Variants in EXOC1 observed in about 807,000 individuals in gnomAD.
The protein encoded by EXOC1 is SEC3-like 1.
A neutral mutation model predicts 107.7 loss-of-function variants in EXOC1; 67 were observed. That is an observed-to-expected ratio of 0.62 (90% confidence interval 0.51 to 0.76). The LOEUF (loss-of-function observed/expected upper bound fraction) is 0.76. Ranked by LOEUF, EXOC1 falls within the 30% of genes least tolerant of loss-of-function variation. The probability of loss-of-function intolerance (pLI) is 0.00; values close to 1 mark genes in which losing one functional copy is unlikely to be tolerated. For synonymous variants in EXOC1, 348 were observed against 353.5 expected (o/e 0.98, Z 0.17); for missense variants, 833 against 1,055.7 (o/e 0.79, Z 2.92).
At chr4:55,871,765 C>T (rs183384749) in intron 7 of EXOC1, 84 bp from the exon 8 acceptor site, 231 of 1,259,454 alleles carry the variant, frequency 1.8e-4, no homozygotes, top group Admixed American at 1.5e-4. Flanking sequence ...TTCTTCAAAA[C>T]GTTAGATACG....
At chr4:55,879,476 AG>A (rs11344073) in intron 9 of EXOC1, among the ~76,000 whole-genome samples, 5,516 of 152,202 alleles carry the variant, frequency 0.036, 340 homozygotes, top group African/African-American at 0.12. Context: ...TGGTGGGGGC[AG>A]GGTGGATCTG....
chr4:55,869,538 G>A lies in EXOC1; in HGVS notation c.603+1015G>A, dbSNP rs568545465. On this transcript the variant is annotated intron_variant, in intron 5 of 18. Transcript: ENST00000381295. The stretch of plus-strand genomic sequence containing the variant: ...AATTTTAGTGTTGTATACATGAAAG[G>A]TACAGAAGTTATGGGGTCTGACTCA... 3.3e-5 allele frequency among the ~76,000 whole-genome samples: 5 copies of A among 152,246 alleles called. No individual in the cohort carries two copies. The South Asian group carries it at 8.3e-4, about 25-fold the overall frequency.
intron 9 of EXOC1, among the ~76,000 whole-genome samples, chr4:55,882,188 T>A (rs1723462986): frequency 6.6e-6 from 1 of 152,208 alleles, no homozygotes; most frequent in Admixed American, 6.5e-5. Context: ...ACACCCAGGC[T>A]GGAATGCAGT....
intron 10 of EXOC1, among the ~76,000 whole-genome samples, chr4:55,884,910 A>G (rs1329637475): frequency 6.6e-6 from 1 of 152,188 alleles, no homozygotes; most frequent in Admixed American, 6.5e-5. Context: ...AAAAAATGCA[A>G]CACTAATATA....
chr4:55,891,341 G>A lies in EXOC1; in HGVS notation c.1566G>A (p.Leu522=), dbSNP rs746959931. The A allele has an allele frequency of 6.2e-7, 1 of 1,613,846 alleles. No individual in the cohort carries two copies. The highest frequency in any genetic ancestry group is 8.5e-7 in the Non-Finnish European group (1 of 1,179,868). ...TCTTTGAACAGGTACTAAGTGAACT[G>A]GAGCCCCTATGTCTGGCAGAACAGG... ...DKIFEQVLSE[L]EPLCLAEQDF... The change falls in exon 13 of 19, where the codon CTG becomes CTA. Residue 522 remains leucine (L), a synonymous_variant. Transcript: ENST00000381295.
At chr4:55,870,939 A>C (rs1722372444) in intron 6 of EXOC1, 34 bp downstream of exon 6, 2 of 1,573,398 alleles carry the variant, frequency 1.3e-6, no homozygotes, top group Non-Finnish European at 8.6e-7. Context: ...ACAAAAAAAA[A>C]CTAGTGATGA....
At chr4:55,888,697 C>T in intron 10 of EXOC1, 191 bp from the exon 11 acceptor site, 2 of 530,780 alleles carry the variant, frequency 3.8e-6, no homozygotes, top group South Asian at 2.8e-5. Flanking sequence ...AAAGTTTTTT[C>T]TCTCATATAA....
At chr4:55,875,629 G>A (rs985076737) in intron 8 of EXOC1, 2 of 985,268 alleles carry the variant, frequency 2.0e-6, no homozygotes, top group African/African-American at 1.7e-5. Context: ...ATAATTTTGA[G>A]TCTTGAATCA....
chr4:55,901,250 T>G (rs960988905), intron 17 of EXOC1, among the ~76,000 whole-genome samples: 1 of 152,140 alleles, frequency 6.6e-6, no homozygotes, highest in African/African-American at 2.4e-5. Context: ...AGTGACAAAA[T>G]TTAAAGCAAA....
chr4:55,858,117 T>C (rs1290401836), intron 1 of EXOC1, among the ~76,000 whole-genome samples, 197 bp from the exon 2 acceptor site: 1 of 152,242 alleles, frequency 6.6e-6, no homozygotes, highest in Non-Finnish European at 1.5e-5. Flanking sequence ...CCAAACATTT[T>C]AGAGTTTGAT....
chr4:55,896,746 A>G lies in EXOC1; in HGVS notation c.1983A>G (p.Val661=), dbSNP rs1392674603. The change falls in exon 16 of 19, where the codon GTA becomes GTG. Residue 661 remains valine, a synonymous_variant. Transcript: ENST00000381295. ...ACCAAATAAGGCAAATGGAAGAAGTAAAGATCTCAAAAAAGAGTAAAGTTG... is the reference window on the plus strand; with the variant it reads ...ACCAAATAAGGCAAATGGAAGAAGTGAAGATCTCAAAAAAGAGTAAAGTTG... ...ISNQIRQMEE[V]KISKKSKVGI... is the part of the protein sequence containing the mutation. 6.2e-7 allele frequency: 1 copy of G among 1,609,252 alleles called. No homozygotes were observed. The highest frequency in any genetic ancestry group is 8.5e-7 in the Non-Finnish European group (1 of 1,178,872).
At chr4:55,870,139 C>T (rs562009955) in intron 5 of EXOC1, among the ~76,000 whole-genome samples, 17 of 152,244 alleles carry the variant, frequency 1.1e-4, no homozygotes, top group Admixed American at 9.2e-4. Context: ...CATCCTGTTA[C>T]TAGTTCCCAT....
chr4:55,869,962 C>T (rs1325130191), intron 5 of EXOC1, among the ~76,000 whole-genome samples: 1 of 151,856 alleles, frequency 6.6e-6, no homozygotes, highest in Non-Finnish European at 1.5e-5. Flanking sequence ...TTGGATTTGG[C>T]AGTTTCCTTA....
chr4:55,899,670 C>T lies in EXOC1; in HGVS notation c.2138-15C>T, dbSNP rs1416672247. 5 of 1,592,660 alleles carry T rather than the reference C, an allele frequency of 3.1e-6. No individual in the cohort carries two copies. The highest frequency in any genetic ancestry group is 1.8e-5 in the Admixed American group (1 of 55,390). Reference sequence around the variant, plus strand: ...ACTCAGAGATGTTATTTTATTTTTTCTGTTTTGGTTTTAGTGGAGAAAGTA... The same window carrying T: ...ACTCAGAGATGTTATTTTATTTTTTTTGTTTTGGTTTTAGTGGAGAAAGTA... On this transcript the variant is annotated splice_polypyrimidine_tract_variant and intron_variant, in intron 16 of 18. Transcript: ENST00000381295.
Position 55,904,667 on chromosome 4 carries a change from C to T in EXOC1, c.*172C>T, listed in dbSNP as rs1180487508. ...AATATTTAAATGCAAAATTACCAAC[C>T]TATATAGCAGTTTTATTTGCCCTAT... On this transcript the variant is annotated 3_prime_UTR_variant, in exon 19 of 19. Coordinates refer to ENST00000381295, the MANE Select transcript of EXOC1 (RefSeq NM_001024924.2). 3 of 560,046 alleles carry T rather than the reference C, an allele frequency of 5.4e-6. No homozygotes were observed. The highest frequency in any genetic ancestry group is 3.3e-5 in the East Asian group (1 of 30,596). The allele number at this position is 560,046 out of a possible 1,614,324, so 34.7% of individuals were successfully genotyped here. A position where few individuals can be genotyped will look rare whatever the true frequency, so the allele number is the denominator to read the frequency against.
intron 3 of EXOC1, 63 bp downstream of exon 3, chr4:55,860,604 T>G: frequency 6.4e-7 from 1 of 1,563,024 alleles, no homozygotes; most frequent in Non-Finnish European, 8.7e-7. Context: ...TAACATGGTA[T>G]TACATATTCT....
At chr4:55,868,211 C>A in intron 4 of EXOC1, 125 bp from the exon 5 acceptor site, 1 of 560,152 alleles carries the variant, frequency 1.8e-6, no homozygotes, top group Non-Finnish European at 2.8e-6. Context: ...TCATTTGAAT[C>A]ATTCTATCCT....
chr4:55,876,636 G>T lies in EXOC1; in HGVS notation c.1075-1281G>T, dbSNP rs75818060. The T allele has an allele frequency of 4.1e-3, 4,041 of 985,134 alleles. 25 individuals are homozygous for T. Among genetic ancestry groups the T allele is most frequent in the African/African-American group, 0.026 (1,509 of 57,280 alleles). 61.0% of individuals were successfully genotyped at this position (985,134 alleles called of 1,614,324 possible). A position where few individuals can be genotyped will look rare whatever the true frequency, so the allele number is the denominator to read the frequency against. ...TCTGTGGTAGCTGTGAACTTCTGTT[G>T]CCCCTGTGTTCTAGTTCTTGTTATT... On this transcript the variant is annotated intron_variant, in intron 8 of 18. Coordinates refer to ENST00000381295, the MANE Select transcript of EXOC1 (RefSeq NM_001024924.2).
rs1009185730 is a variant in EXOC1 at position 55,891,446 on chromosome 4, A to G, written c.1647+24A>G. 2.1e-6 allele frequency: 3 copies of G among 1,444,702 alleles called. No individual in the cohort carries two copies. The South Asian group carries it at 3.4e-5, about 17-fold the overall frequency. 89.5% of individuals were successfully genotyped at this position (1,444,702 alleles called of 1,614,324 possible). ...TGGTATGGCTCACAGTGTATTTTGG[A>G]TAGTATTTATGATCTGTAATATAAT... On this transcript the variant is annotated intron_variant, in intron 13 of 18. Coordinates refer to ENST00000381295, the MANE Select transcript of EXOC1 (RefSeq NM_001024924.2).
Sources: gnomAD v4.1 joint callset for allele counts (sites outside exome capture counted in the v4.1 genomes callset) on GRCh38, gnomAD v4.1.1 for gene constraint, MANE v1.5 for transcripts, NCBI Gene and HGNC (gene_info 2026-07-23, HGNC 2026-07-21) for gene names.